Variants in SYNGR4 observed in about 807,000 individuals in gnomAD.
SYNGR4 encodes the protein synaptogyrin 4, also known as synaptogyrin-4.
SYNGR4 carries 15 observed loss-of-function variants against 15.5 expected under a neutral mutation model. That is an observed-to-expected ratio of 0.97 (90% CI 0.65 to 1.49). The LOEUF (loss-of-function observed/expected upper bound fraction) is 1.49, where lower values mean the gene tolerates loss of function less well. Among genes scored for constraint, SYNGR4 ranks in the 40% most tolerant of loss-of-function variants. The pLI is 0.00. For synonymous variants in SYNGR4, 121 were observed against 127.4 expected, an observed-to-expected ratio of 0.95 and a Z score of 0.34; for missense variants, 292 against 299.3, an observed-to-expected ratio of 0.98 and a Z score of 0.18.
chr19:48,374,369 A>T (rs1272909078), intron 3 of SYNGR4, among the ~76,000 whole-genome samples: 1 of 152,082 alleles, frequency 6.6e-6, no homozygotes, highest in Non-Finnish European at 1.5e-5. Context: ...GTGAGCCACC[A>T]CGCCCAGCCA....
chr19:48,369,355 C>A (rs1486117075), intron 2 of SYNGR4, among the ~76,000 whole-genome samples: 1 of 152,190 alleles, frequency 6.6e-6, no homozygotes, highest in Non-Finnish European at 1.5e-5. Flanking sequence ...TCTCCAGTGT[C>A]CCGGGCTCAT....
At chr19:48,370,367 C>T (rs1242912002) in intron 2 of SYNGR4, among the ~76,000 whole-genome samples, 3 of 152,028 alleles carry the variant, frequency 2.0e-5, no homozygotes, top group Admixed American at 2.0e-4. Context: ...CTTGTAGTCC[C>T]AGCTACTCAG....
chr19:48,371,470 G>A (rs1044469632), intron 2 of SYNGR4, among the ~76,000 whole-genome samples: 14 of 152,190 alleles, frequency 9.2e-5, no homozygotes, highest in Admixed American at 2.0e-4. Flanking sequence ...AGGAGCCCCC[G>A]CCCTCAAGGC....
intron 1 of SYNGR4, 53 bp from the exon 2 acceptor site, chr19:48,365,683 G>C: frequency 2.4e-5 from 3 of 126,566 alleles, no homozygotes; most frequent in Non-Finnish European, 4.0e-5. Flanking sequence ...GCCCCCAACA[G>C]CCCTTCCACC....
chr19:48,369,282 G>A (rs1406719596), intron 2 of SYNGR4, among the ~76,000 whole-genome samples: 1 of 135,368 alleles, frequency 7.4e-6, no homozygotes, highest in Non-Finnish European at 1.6e-5. Context: ...CATGGAAGGA[G>A]TTTGGACTGA....
In SYNGR4 at chr19:48,365,603, G is replaced by A. The variant is rs372804139; in HGVS notation, c.-107-133G>A. On this transcript the variant is annotated intron_variant, in intron 1 of 4. Transcript: ENST00000344846. Reference sequence around the variant, plus strand: ...ACCCTGACTCCTAAGAGGCTCAGCAGTCCCCTCACCCCACACAACTCCATT... The same window carrying A: ...ACCCTGACTCCTAAGAGGCTCAGCAATCCCCTCACCCCACACAACTCCATT... The A allele has an allele frequency of 1.4e-4, 75 of 528,566 alleles. 1 individual carries two copies. In the East Asian group the frequency reaches 2.0e-3, roughly 14 times the overall value. 32.7% of individuals were successfully genotyped at this position (528,566 alleles called of 1,614,324 possible). A position where few individuals can be genotyped will look rare whatever the true frequency, so the allele number is the denominator to read the frequency against.
intron 1 of SYNGR4, among the ~76,000 whole-genome samples, chr19:48,365,495 C>T (rs1177859070): frequency 7.0e-6 from 1 of 142,990 alleles, no homozygotes; most frequent in African/African-American, 2.6e-5. Context: ...CCTCAGCACA[C>T]ACAACCTCAT....
At chr19:48,365,342 A>C (rs80109894) in intron 1 of SYNGR4, among the ~76,000 whole-genome samples, 514 of 42,664 alleles carry the variant, frequency 0.012, 6 homozygotes, top group African/African-American at 0.045. Flanking sequence ...TCCACACAAC[A>C]CCTTTCCTGG....
Position 48,365,764 on chromosome 19 carries a change from C to G in SYNGR4, c.-79C>G. On this transcript the variant is annotated 5_prime_UTR_variant, in exon 2 of 5. Transcript: ENST00000344846. ...CCAAGCCCAGGGCTGGCCTGAAGCC[C>G]CCGGACGGCAGTGCCCAGCAGGCAG... 1 of 1,510,602 alleles carries G rather than the reference C, an allele frequency of 6.6e-7. No individual in the cohort carries two copies. The highest frequency in any genetic ancestry group is 9.1e-7 in the Non-Finnish European group (1 of 1,093,576). The allele number at this position is 1,510,602 out of a possible 1,614,324, so 93.6% of individuals were successfully genotyped here.
upstream of SYNGR4, chr19:48,364,331 C>A (rs547065520): frequency 9.3e-4 from 164 of 176,292 alleles, 2 homozygotes; most frequent in Admixed American, 0.011. Context: ...TGTGGAGGAG[C>A]GAAAAGGCGG....
chr19:48,365,960 G>T (rs759579878), intron 2 of SYNGR4, 25 bp downstream of exon 2: 1 of 1,610,562 alleles, frequency 6.2e-7, no homozygotes, highest in Non-Finnish European at 8.5e-7. Context: ...TGGCCCGACT[G>T]TGCCCCTGGG....
At position 48,375,608 on chromosome 19, in the gene SYNGR4, C is replaced by A; in HGVS notation, c.332-5C>A. 1 of 1,610,646 alleles carries A rather than the reference C, an allele frequency of 6.2e-7. No individual in the cohort carries two copies. Among genetic ancestry groups the A allele is most frequent in the Non-Finnish European group, 8.5e-7 (1 of 1,177,302 alleles). ...TGCCCCTTTTCTCTCCCTGTGACGCCACAGTTCTCTGGGCAGTTGTCTGGT... is the reference window on the plus strand; with the variant it reads ...TGCCCCTTTTCTCTCCCTGTGACGCAACAGTTCTCTGGGCAGTTGTCTGGT... On this transcript the variant is annotated splice_polypyrimidine_tract_variant and splice_region_variant and intron_variant, in intron 3 of 4. Coordinates refer to ENST00000344846, the MANE Select transcript of SYNGR4 (RefSeq NM_012451.4).
Position 48,373,542 on chromosome 19 carries a change from C to G in SYNGR4, c.119C>G (p.Ser40Cys), listed in dbSNP as rs1362655088. 1 of 1,613,690 alleles carries G rather than the reference C, an allele frequency of 6.2e-7. No individual in the cohort carries two copies. The highest frequency in any genetic ancestry group is 8.5e-7 in the Non-Finnish European group (1 of 1,180,014). The change falls in exon 3 of 5, where the codon TCC (serine) becomes TGC (cysteine). Residue 40 changes from serine (S) to cysteine (C), a missense_variant. Physicochemically the swap from Ser to Cys is moderately radical, Grantham distance 112. Transcript: ENST00000344846. ...GTCTTCTCCCTGATCGTCTTCTCCT[C>G]CCTGCTGACCGACGGCTACCAGAAC... The part of the protein sequence containing the change: ...EGVFSLIVFS[S>C]LLTDGYQNKM...
chr19:48,375,017 T>C (rs902261572), intron 3 of SYNGR4, among the ~76,000 whole-genome samples: 14 of 143,378 alleles, frequency 9.8e-5, no homozygotes, highest in Non-Finnish European at 1.6e-4. Flanking sequence ...CCAGTGCAGC[T>C]GAGAAACATT....
chr19:48,373,591 C>G lies in SYNGR4; in HGVS notation c.168C>G (p.His56Gln). The part of the protein sequence containing the change: ...YQNKMESPQL[H>Q]CILNSNSVAC... Reference sequence around the variant, plus strand: ...ACAAGATGGAGTCTCCGCAGCTCCACTGCATTCTCAACAGCAACAGCGTGG... The same window carrying G: ...ACAAGATGGAGTCTCCGCAGCTCCAGTGCATTCTCAACAGCAACAGCGTGG... Residue 56 changes from histidine to glutamine, a missense_variant, in exon 3 of 5, where the codon CAC (histidine) becomes CAG (glutamine). His to Gln is a conservative substitution (Grantham distance 24). Transcript: ENST00000344846. The G allele has an allele frequency of 3.1e-6, 5 of 1,613,916 alleles. No individual in the cohort carries two copies. Among genetic ancestry groups the G allele is most frequent in the Non-Finnish European group, 4.2e-6 (5 of 1,180,034 alleles).
Position 48,376,325 on chromosome 19 carries a change from T to C in SYNGR4, c.*7T>C, listed in dbSNP as rs1278501154. 6.2e-7 allele frequency: 1 copy of C among 1,612,350 alleles called. No individual in the cohort carries two copies. Among genetic ancestry groups the C allele is most frequent in the Non-Finnish European group, 8.5e-7 (1 of 1,179,570 alleles). On this transcript the variant is annotated 3_prime_UTR_variant, in exon 5 of 5. Coordinates refer to ENST00000344846, the MANE Select transcript of SYNGR4 (RefSeq NM_012451.4). ...TATGATGCCTGACAACTAAATATCC[T>C]TATCCAAATCAATAAAGAGAGAATC...
chr19:48,375,950 G>A (rs147182062), intron 4 of SYNGR4, 135 bp from the exon 5 acceptor site: 2 of 1,534,634 alleles, frequency 1.3e-6, no homozygotes, highest in Non-Finnish European at 1.7e-6. Context: ...CTGTGCTTTG[G>A]CCTAGGGCTC....
At chr19:48,374,978 TAAC>T (rs983927430) in intron 3 of SYNGR4, among the ~76,000 whole-genome samples, 10 of 146,136 alleles carry the variant, frequency 6.8e-5, no homozygotes, top group African/African-American at 1.5e-4. Flanking sequence ...TCTGTCTCAA[TAAC>T]AACAACAACA....
chr19:48,375,942 G>A, intron 4 of SYNGR4, 143 bp from the exon 5 acceptor site: 1 of 1,528,712 alleles, frequency 6.5e-7, no homozygotes, highest in Non-Finnish European at 8.7e-7. Flanking sequence ...ATCAGGGCCT[G>A]TGCTTTGGCC....
Sources: gnomAD v4.1 joint callset for allele counts (sites outside exome capture counted in the v4.1 genomes callset) on GRCh38, gnomAD v4.1.1 for gene constraint, MANE v1.5 for transcripts, NCBI Gene and HGNC (gene_info 2026-07-23, HGNC 2026-07-21) for gene names.